The following GSN variants were observed in gnomAD, a reference collection of about 807,000 sequenced individuals.
GSN encodes actin-depolymerizing factor.
Under a neutral mutation model 85.7 loss-of-function variants are expected in GSN, and 56 were observed. The ratio of observed to expected loss-of-function variants is 0.65; its 90% CI spans 0.53 to 0.82. The LOEUF (loss-of-function observed/expected upper bound fraction) is 0.82, where lower values mean the gene tolerates loss of function less well. Among genes scored for constraint, GSN ranks in the 40% least tolerant of loss-of-function variants. GSN has a pLI of 0.00. For missense variants in GSN, 857 were observed against 979.8 expected (o/e 0.87, Z 1.67); for synonymous variants, 373 against 399.1 (o/e 0.93, Z 0.78).
intron 6 of GSN, among the ~76,000 whole-genome samples, chr9:121,255,689 T>G (rs2132258726): frequency 6.6e-6 from 1 of 152,336 alleles, no homozygotes; most frequent in South Asian, 2.1e-4. Context: ...ACTGTATGCA[T>G]GTATTATGAT....
intron 1 of GSN, 38 bp from the exon 2 acceptor site, chr9:121,281,432 T>G (rs1045406534): frequency 2.7e-6 from 1 of 371,178 alleles, no homozygotes; most frequent in African/African-American, 2.1e-5. Flanking sequence ...GACCTTGAAC[T>G]CCCCCTGAGG....
At chr9:121,240,609 TG>T (rs1218164678) in intron 5 of GSN, among the ~76,000 whole-genome samples, 1 of 152,192 alleles carries the variant, frequency 6.6e-6, no homozygotes, top group African/African-American at 2.4e-5. Flanking sequence ...AAGAGTCAGT[TG>T]GGTTAGCTTG....
chr9:121,247,815 C>T (rs1343296139), intron 5 of GSN, among the ~76,000 whole-genome samples: 2 of 152,130 alleles, frequency 1.3e-5, no homozygotes, highest in Non-Finnish European at 2.9e-5. Flanking sequence ...ACTTGACTCA[C>T]GAGATTCTGG....
intron 4 of GSN, among the ~76,000 whole-genome samples, chr9:121,305,495 CA>C (rs1248591673): frequency 6.6e-6 from 1 of 152,166 alleles, no homozygotes; most frequent in African/African-American, 2.4e-5. Flanking sequence ...GCAACTTTTC[CA>C]AGGTCACACA....
Position 121,229,053 on chromosome 9 carries a change from G to A in GSN, c.-527-2112G>A, listed in dbSNP as rs187408605. Among the ~76,000 whole-genome samples the A allele has an allele frequency of 2.0e-5, 3 of 152,264 alleles. No individual in the cohort carries two copies. In the East Asian group the frequency reaches 5.8e-4, roughly 29 times the overall value. On this transcript the variant is annotated intron_variant, in intron 4 of 24. Coordinates refer to the GSN transcript ENST00000373823. ...GACACAAAAGTAGTGTCTAAGAGCA[G>A]ACCATGTTTGCATTCTCCTGTTGGC...
rs368597012 is a variant in GSN at position 121,249,432 on chromosome 9, G to A, written c.-341+1109G>A. Among the ~76,000 whole-genome samples the A allele has an allele frequency of 4.5e-4, 68 of 152,248 alleles. No homozygotes were observed. In the South Asian group the frequency reaches 0.012, roughly 27 times the overall value. ...GTGGAGGCTGCAGTGAGCCATGATC[G>A]TGCCACTGCATTCCAGCCTGGGCGA... On this transcript the variant is annotated intron_variant, in intron 6 of 24. Transcript: ENST00000373823.
intron 1 of GSN, among the ~76,000 whole-genome samples, chr9:121,271,193 A>AC (rs1212173608): frequency 6.6e-6 from 1 of 152,064 alleles, no homozygotes; most frequent in African/African-American, 2.4e-5. Context: ...ACATGGTGAA[A>AC]CCCTGTCTCT....
chr9:121,324,743 G>GGACATGGA, intron 12 of GSN, 99 bp downstream of exon 12: 1 of 700,992 alleles, frequency 1.4e-6, no homozygotes, highest in Admixed American at 2.0e-5. Context: ...TTGTCCATCT[G>GGACATGGA]TCTGTCTGTC....
intron 5 of GSN, 99 bp downstream of exon 5, chr9:121,310,944 G>C: frequency 9.2e-7 from 1 of 1,085,116 alleles, no homozygotes; most frequent in Non-Finnish European, 1.4e-6. Context: ...AGATGCAGGT[G>C]GGCAAACCAC....
chr9:121,328,982 CTT>C lies in GSN; in HGVS notation c.1856_1857del (p.Phe619CysfsTer17), dbSNP rs1564604238. On this transcript the variant is annotated frameshift_variant, in exon 15 of 18. Transcript: ENST00000432226. LOFTEE classifies it high-confidence loss of function. ...AGATGGATGCCCATCCTCCTCGCCT[CTT>C]TGCCTGCTCCAACAAGATTGGACGT... Reference protein sequence around the residue: ...KKMDAHPPRLFACSNKIGRFV... With the variant: ...KKMDAHPPRLXACSNKIGRFV... 6.2e-7 allele frequency: 1 copy of C among 1,614,044 alleles called. No individual in the cohort carries two copies. The highest frequency in any genetic ancestry group is 8.5e-7 in the Non-Finnish European group (1 of 1,180,036).
intron 2 of GSN, among the ~76,000 whole-genome samples, chr9:121,301,738 G>A (rs2059883501): frequency 6.6e-6 from 1 of 152,116 alleles, no homozygotes; most frequent in African/African-American, 2.4e-5. Flanking sequence ...TGAGTAGGAG[G>A]GACAGATGCT....
At chr9:121,319,678 T>C (rs1036682987) in intron 10 of GSN, among the ~76,000 whole-genome samples, 2 of 151,334 alleles carry the variant, frequency 1.3e-5, no homozygotes, top group African/African-American at 4.8e-5. Context: ...CAGGATATCA[T>C]TAGAAGAAAA....
Position 121,226,043 on chromosome 9 carries a change from T to C in GSN, c.-527-5122T>C, listed in dbSNP as rs113149680. Among the ~76,000 whole-genome samples, 908 of 152,232 alleles carry C rather than the reference T, an allele frequency of 6.0e-3. 11 individuals are homozygous for C. Among genetic ancestry groups the C allele is most frequent in the African/African-American group, 0.021 (855 of 41,528 alleles). On this transcript the variant is annotated intron_variant, in intron 4 of 24. Transcript: ENST00000373823. ...TGGTCTCGAACTCCTGACCTTGTGATTCCCCCCACCTCGGTCTCCCAAAGT... is the reference window on the plus strand; with the variant it reads ...TGGTCTCGAACTCCTGACCTTGTGACTCCCCCCACCTCGGTCTCCCAAAGT...
rs114775997 is a variant in GSN, at chr9:121,252,460, A to T, written c.-341+4137A>T. Among the ~76,000 whole-genome samples the T allele has an allele frequency of 6.2e-3, 938 of 152,322 alleles. 13 individuals are homozygous for T. The highest frequency in any genetic ancestry group is 0.021 in the African/African-American group (870 of 41,566). On this transcript the variant is annotated intron_variant, in intron 6 of 24. Coordinates refer to the GSN transcript ENST00000373823. ...ATCTTGAATGCTACATATGACGGAG[A>T]CATTTACTGTTCACCAAGTATCTAT...
upstream of GSN, among the ~76,000 whole-genome samples, chr9:121,267,512 G>A (rs1321388272): frequency 1.3e-5 from 2 of 152,178 alleles, no homozygotes; most frequent in Non-Finnish European, 2.9e-5. Context: ...ACGAGGAAAC[G>A]GAGACTTAGA....
At chr9:121,202,017 C>T in the GSN span, 1 of 152,470 alleles carries the variant, frequency 6.6e-6, no homozygotes, top group Non-Finnish European at 1.5e-5. Context: ...TCAGCCCTCA[C>T]CTCTGGACTT....
chr9:121,319,598 C>T (rs1283978673), intron 10 of GSN, among the ~76,000 whole-genome samples: 2 of 151,426 alleles, frequency 1.3e-5, no homozygotes, highest in Non-Finnish European at 2.9e-5. Context: ...GTTGGAATTA[C>T]AGGCATGAGC....
chr9:121,279,347 A>G (rs1484592055), intron 1 of GSN, among the ~76,000 whole-genome samples: 1 of 152,152 alleles, frequency 6.6e-6, no homozygotes, highest in Admixed American at 6.6e-5. Context: ...GAGGAGTGGC[A>G]TGGTCTGGGC....
intron 1 of GSN, among the ~76,000 whole-genome samples, chr9:121,272,192 C>T (rs2056078769): frequency 6.6e-6 from 1 of 152,216 alleles, no homozygotes; most frequent in African/African-American, 2.4e-5. Context: ...TGCTGGCCAG[C>T]TTCCCCTTCC....
Sources: allele counts gnomAD v4.1 joint callset (sites outside exome capture counted in the v4.1 genomes callset), GRCh38; gene constraint gnomAD v4.1.1; transcripts MANE v1.5; gene names NCBI Gene and HGNC (gene_info 2026-07-23, HGNC 2026-07-21).